HFM1: variants seen among roughly 807,000 people sequenced by gnomAD.
HFM1 encodes the protein probable ATP-dependent DNA helicase HFM1.
In HFM1, 169 loss-of-function variants were observed where a neutral mutation model predicts 192.1. The ratio of observed to expected loss-of-function variants is 0.88; its 90% CI spans 0.78 to 1.00. The LOEUF (loss-of-function observed/expected upper bound fraction) is 1.00, where lower values mean the gene tolerates loss of function less well. HFM1 is among the 50% of genes least tolerant of loss of function. The probability of loss-of-function intolerance (pLI) is 0.00; values close to 1 mark genes in which losing one functional copy is unlikely to be tolerated. For synonymous variants in HFM1, 525 were observed against 537.8 expected, an observed-to-expected ratio of 0.98 and a Z score of 0.33; for missense variants, 1,661 against 1,668.0, an observed-to-expected ratio of 1.00 and a Z score of 0.07.
chr1:91,330,103 C>T (rs1653591946), intron 20 of HFM1, among the ~76,000 whole-genome samples: 1 of 152,034 alleles, frequency 6.6e-6, no homozygotes, highest in African/African-American at 2.4e-5. Flanking sequence ...CTCGAACTTG[C>T]TATGTAATTT....
At chr1:91,315,010 C>T (rs973658945) in intron 28 of HFM1, among the ~76,000 whole-genome samples, 1 of 152,158 alleles carries the variant, frequency 6.6e-6, no homozygotes, top group African/African-American at 2.4e-5. Flanking sequence ...CACTGCCATT[C>T]CTGAACTTAC....
In HFM1 at chr1:91,380,093, T is replaced by A; in HGVS notation, c.1006+11A>T. On this transcript the variant is annotated intron_variant, in intron 8 of 38. Transcript: ENST00000370425. The stretch of plus-strand genomic sequence containing the variant: ...TTATAATTAGTCATCACTCTTATAA[T>A]AAATACTTACTGTAAACAATTTTAA... 1 of 1,279,186 alleles carries A rather than the reference T, an allele frequency of 7.8e-7. No individual in the cohort carries two copies. The highest frequency in any genetic ancestry group is 1.1e-6 in the Non-Finnish European group (1 of 928,998). 79.2% of individuals were successfully genotyped at this position (1,279,186 alleles called of 1,614,324 possible).
intron 13 of HFM1, among the ~76,000 whole-genome samples, chr1:91,362,479 C>G (rs1248533858): frequency 6.6e-6 from 1 of 152,110 alleles, no homozygotes; most frequent in African/African-American, 2.4e-5. Flanking sequence ...AGGAATACAG[C>G]TAACTAGGGA....
At chr1:91,291,341 T>C (rs1173010762) in intron 30 of HFM1, among the ~76,000 whole-genome samples, 1 of 151,912 alleles carries the variant, frequency 6.6e-6, no homozygotes, top group Non-Finnish European at 1.5e-5. Context: ...AAGAATCAAA[T>C]AGACACAATA....
At chr1:91,352,418 A>G in intron 16 of HFM1, 88 bp downstream of exon 16, 1 of 978,882 alleles carries the variant, frequency 1.0e-6, no homozygotes, top group South Asian at 2.0e-5. Flanking sequence ...TAAGCCTGAT[A>G]CAATTATGAC....
At chr1:91,392,833 T>C (rs2083450) in intron 4 of HFM1, among the ~76,000 whole-genome samples, 30,298 of 152,144 alleles carry the variant, frequency 0.2, 3,450 homozygotes, top group Non-Finnish European at 0.26. Context: ...TTTTGTATAA[T>C]TGCACTTATA....
Position 91,316,165 on chromosome 1 carries a change from G to C in HFM1, c.2918C>G (p.Pro973Arg), listed in dbSNP as rs746437170. 1.4e-5 allele frequency: 22 copies of C among 1,580,008 alleles called. No homozygotes were observed. The South Asian group carries it at 1.8e-4, about 13-fold the overall frequency. The change falls in exon 27 of 39, where the codon CCC (proline) becomes CGC (arginine). Residue 973 changes from proline (P) to arginine (R), a missense_variant. Physicochemically the swap from Pro to Arg is moderately radical, Grantham distance 103 (BLOSUM62 -2). Transcript: ENST00000370425. ...ELELILNRHP[P>R]FGTQIKETVM... ...AGTTTCTTTTATCTGGGTTCCAAAG[G>C]GGGGATGTCTGTTTAAAATCTAAAA...
intron 30 of HFM1, 118 bp downstream of exon 30, chr1:91,313,231 C>T (rs534192757): frequency 7.3e-6 from 4 of 549,684 alleles, no homozygotes; most frequent in African/African-American, 3.8e-5. Context: ...TACTATGAAG[C>T]TTAAATATCT....
At chr1:91,385,138 T>C (rs1662032556) in intron 6 of HFM1, 49 bp downstream of exon 6, 1 of 1,024,626 alleles carries the variant, frequency 9.8e-7, no homozygotes, top group Middle Eastern at 2.1e-4. Flanking sequence ...GTTTTAAAAT[T>C]ATGATTTAAT....
chr1:91,370,372 C>T (rs898934902), intron 13 of HFM1, among the ~76,000 whole-genome samples: 5 of 152,170 alleles, frequency 3.3e-5, no homozygotes, highest in African/African-American at 1.2e-4. Context: ...TCCAGCAGCA[C>T]ATCAAAAAGC....
At chr1:91,351,865 T>C (rs1656981353) in intron 16 of HFM1, among the ~76,000 whole-genome samples, 1 of 151,936 alleles carries the variant, frequency 6.6e-6, no homozygotes, top group African/African-American at 2.4e-5. Context: ...TGTAACATAA[T>C]TTTGGCAATG....
In HFM1 at chr1:91,393,961, A is replaced by C. The variant is rs984893651; in HGVS notation, c.494+132T>G. 9.4e-6 allele frequency: 5 copies of C among 534,122 alleles called. No individual in the cohort carries two copies. In the African/African-American group the frequency reaches 9.8e-5, roughly 10 times the overall value. 33.1% of individuals were successfully genotyped at this position (534,122 alleles called of 1,614,324 possible). A position where few individuals can be genotyped will look rare whatever the true frequency, so the allele number is the denominator to read the frequency against. The stretch of plus-strand genomic sequence containing the variant: ...AGGACTATGACACCAGGAATGGAGA[A>C]AGTAAGGAATTATTTAGGAGATAGA... On this transcript the variant is annotated intron_variant, in intron 4 of 38. Transcript: ENST00000370425.
At chr1:91,270,269 TG>T (rs1442705899) in intron 34 of HFM1, among the ~76,000 whole-genome samples, 2 of 152,176 alleles carry the variant, frequency 1.3e-5, no homozygotes, top group East Asian at 3.9e-4. Flanking sequence ...TATTTACATG[TG>T]GGGTGAGCTA....
intron 9 of HFM1, 120 bp downstream of exon 9, chr1:91,378,943 G>A (rs1557491870): frequency 1.7e-6 from 1 of 573,182 alleles, no homozygotes; most frequent in South Asian, 3.4e-5. Flanking sequence ...TTTAATGTTT[G>A]TTTGTTTGCA....
In HFM1 at chr1:91,316,424, T is replaced by G; in HGVS notation, c.2865A>C (p.Lys955Asn). 1.9e-6 allele frequency: 3 copies of G among 1,581,404 alleles called. No individual in the cohort carries two copies. The highest frequency in any genetic ancestry group is 2.6e-6 in the Non-Finnish European group (3 of 1,160,010). ...GTTCCCTTGCATCTGTCTCTTCTAT[T>G]TTTTTAAAGGAAGTCAAACCAGCAT... is the stretch of plus-strand genomic sequence containing the variant. The part of the protein sequence containing the change: ...IVNAGLTSFK[K>N]IEETDARELE... The change falls in exon 26 of 39, where the codon AAA becomes AAC. Residue 955 changes from lysine to asparagine, a missense_variant. Lys to Asn is a moderately conservative substitution (Grantham distance 94, BLOSUM62 0). Transcript: ENST00000370425.
intron 30 of HFM1, among the ~76,000 whole-genome samples, chr1:91,298,620 G>A (rs192506646): frequency 1.1e-3 from 174 of 152,264 alleles, no homozygotes; most frequent in African/African-American, 3.9e-3. Flanking sequence ...AGAAGAGAGT[G>A]GGGGCAAATA....
intron 20 of HFM1, chr1:91,328,654 C>G (rs1168149420): frequency 6.3e-7 from 1 of 1,593,216 alleles, no homozygotes; most frequent in Admixed American, 1.7e-5. Flanking sequence ...GCCACCACAG[C>G]ACAAGTCAGG....
intron 13 of HFM1, among the ~76,000 whole-genome samples, chr1:91,364,202 A>C (rs546091914): frequency 6.6e-6 from 1 of 152,084 alleles, no homozygotes; most frequent in African/African-American, 2.4e-5. Flanking sequence ...GAAAAAAAAA[A>C]CATAAGAATG....
Position 91,364,202 on chromosome 1 carries a change from A to T in HFM1, c.1686-10903T>A, listed in dbSNP as rs546091914. Reference sequence around the variant, plus strand: ...ACTTAAAAGTGGAAGGAAAAAAAAAACATAAGAATGGCCAACAGGTATATG... The same window carrying T: ...ACTTAAAAGTGGAAGGAAAAAAAAATCATAAGAATGGCCAACAGGTATATG... On this transcript the variant is annotated intron_variant, in intron 13 of 38. Coordinates refer to ENST00000370425, the MANE Select transcript of HFM1 (RefSeq NM_001017975.6). Among the ~76,000 whole-genome samples, 16 of 152,202 alleles carry T rather than the reference A, an allele frequency of 1.1e-4. No individual in the cohort carries two copies. The South Asian group carries it at 3.3e-3, about 32-fold the overall frequency.
Sources: gnomAD v4.1 joint callset for allele counts (sites outside exome capture counted in the v4.1 genomes callset) on GRCh38, gnomAD v4.1.1 for gene constraint, MANE v1.5 for transcripts, NCBI Gene and HGNC (gene_info 2026-07-23, HGNC 2026-07-21) for gene names.